The following POLD3 variants were observed in gnomAD, a reference collection of about 807,000 sequenced individuals.
POLD3 encodes DNA polymerase delta 3, accessory subunit, also known as DNA polymerase delta subunit 3.
In POLD3, 19 loss-of-function variants were observed where a neutral mutation model predicts 58.2. The observed-to-expected ratio is 0.33, with a 90% CI of 0.23 to 0.48. The LOEUF is 0.48. Ranked by LOEUF, POLD3 falls within the 20% of genes least tolerant of loss-of-function variation. The pLI is 0.99. For synonymous variants in POLD3, 172 were observed against 193.5 expected, an observed-to-expected ratio of 0.89 and a Z score of 0.92; for missense variants, 504 against 545.5, an observed-to-expected ratio of 0.92 and a Z score of 0.76.
intron 7 of POLD3, among the ~76,000 whole-genome samples, chr11:74,621,614 C>T (rs908128760): frequency 2.8e-4 from 42 of 152,090 alleles, no homozygotes; most frequent in African/African-American, 8.9e-4. Context: ...GATTGAGCAC[C>T]TGCTATGTGC....
At chr11:74,643,708 G>A (rs565241721), downstream of POLD3, among the ~76,000 whole-genome samples, 1 of 152,326 alleles carries the variant, frequency 6.6e-6, no homozygotes, top group Non-Finnish European at 1.5e-5. Flanking sequence ...GCCTTGCTAA[G>A]CAGTTTGGAT....
chr11:74,631,039 G>C (rs2032574929), intron 9 of POLD3, among the ~76,000 whole-genome samples: 2 of 152,198 alleles, frequency 1.3e-5, no homozygotes, highest in Non-Finnish European at 2.9e-5. Context: ...CTCTGGCAAA[G>C]ATAATTTTTG....
At chr11:74,629,155 C>G in intron 8 of POLD3, 62 bp from the exon 9 acceptor site, 1 of 933,462 alleles carries the variant, frequency 1.1e-6, no homozygotes, top group Non-Finnish European at 1.6e-6. Flanking sequence ...CCCATAAGAG[C>G]ATGTGAATAC....
chr11:74,644,213 G>A (rs140107320), downstream of POLD3, among the ~76,000 whole-genome samples: 153 of 152,302 alleles, frequency 1.0e-3, no homozygotes, highest in African/African-American at 3.5e-3. Context: ...AAACTAAATA[G>A]TTTCTCCAGG....
rs1433463850 is a variant in POLD3, at chr11:74,642,587, A to G, written c.*1821A>G. 23 of 985,220 alleles carry G rather than the reference A, an allele frequency of 2.3e-5. No homozygotes were observed. The highest frequency in any genetic ancestry group is 2.7e-5 in the Non-Finnish European group (22 of 829,844). 61.0% of individuals were successfully genotyped at this position (985,220 alleles called of 1,614,324 possible). A position where few individuals can be genotyped will look rare whatever the true frequency, so the allele number is the denominator to read the frequency against. ...TGCAAGGGATAATACAAATCCTATG[A>G]TCTCTATGCCCAATATGCTGCCTCA... On this transcript the variant is annotated 3_prime_UTR_variant, in exon 12 of 12. Transcript: ENST00000263681.
At chr11:74,626,646 T>C (rs921486105) in intron 8 of POLD3, among the ~76,000 whole-genome samples, 1 of 152,218 alleles carries the variant, frequency 6.6e-6, no homozygotes, top group Admixed American at 6.5e-5. Flanking sequence ...ACTAAGCATT[T>C]GTTGCCTGTG....
rs559912807 is a variant in POLD3, at chr11:74,619,071, A to T, written c.660+267A>T. 2.0e-5 allele frequency among the ~76,000 whole-genome samples: 3 copies of T among 152,260 alleles called. No homozygotes were observed. The South Asian group carries it at 6.2e-4, about 32-fold the overall frequency. On this transcript the variant is annotated intron_variant, in intron 6 of 11. Coordinates refer to ENST00000263681, the MANE Select transcript of POLD3 (RefSeq NM_006591.3). ...ACATTACAAGATTGTTGTGAAACCC[A>T]GATGAAAACATGTGAAAACACCTCG... is the stretch of plus-strand genomic sequence containing the variant.
intron 2 of POLD3, among the ~76,000 whole-genome samples, chr11:74,596,641 CTT>C (rs1483029159): frequency 6.9e-6 from 1 of 145,206 alleles, no homozygotes; most frequent in African/African-American, 2.6e-5. Context: ...TGTCTACCAT[CTT>C]TTCATTTTTC....
intron 7 of POLD3, among the ~76,000 whole-genome samples, chr11:74,623,094 A>T: frequency 6.6e-6 from 1 of 152,240 alleles, no homozygotes; most frequent in East Asian, 1.9e-4. Context: ...AAGATCATAT[A>T]TTATTTCATT....
chr11:74,594,751 A>G (rs1218968950), intron 2 of POLD3, among the ~76,000 whole-genome samples: 1 of 152,202 alleles, frequency 6.6e-6, no homozygotes, highest in Non-Finnish European at 1.5e-5. Flanking sequence ...ATGGCTGGGG[A>G]GGCCTCAGGA....
At chr11:74,618,828 C>G in intron 6 of POLD3, 24 bp downstream of exon 6, 1 of 1,590,700 alleles carries the variant, frequency 6.3e-7, no homozygotes, top group East Asian at 2.2e-5. Flanking sequence ...GAAGATACCC[C>G]TTCATTGCAG....
At chr11:74,595,124 A>G (rs2031184528) in intron 2 of POLD3, 1 of 150,636 alleles carries the variant, frequency 6.6e-6, no homozygotes, top group Non-Finnish European at 1.5e-5. Context: ...TCTGGTTAAC[A>G]CTAACACTGT....
At chr11:74,599,339 A>G (rs1307023333) in intron 2 of POLD3, among the ~76,000 whole-genome samples, 1 of 147,626 alleles carries the variant, frequency 6.8e-6, no homozygotes, top group Non-Finnish European at 1.5e-5. Context: ...GCCTCACTAT[A>G]GTATTTTCAC....
chr11:74,652,844 C>A, intron 4 of POLD3: 1 of 171,030 alleles, frequency 5.8e-6, no homozygotes. Context: ...TGTCATGGAC[C>A]CAGCTTTGGC....
chr11:74,628,211 G>A (rs1165838967), intron 8 of POLD3, among the ~76,000 whole-genome samples: 1 of 151,886 alleles, frequency 6.6e-6, no homozygotes, highest in African/African-American at 2.4e-5. Context: ...TTTCTTTACT[G>A]TTTCATTCCT....
intron 5 of POLD3, among the ~76,000 whole-genome samples, chr11:74,616,345 C>CA (rs1160941413): frequency 2.0e-5 from 3 of 152,154 alleles, no homozygotes; most frequent in African/African-American, 7.2e-5. Flanking sequence ...CTTATGATTT[C>CA]GTGTGTTTTA....
intron 6 of POLD3, 105 bp downstream of exon 6, chr11:74,618,909 T>C (rs2032165418): frequency 4.1e-6 from 4 of 964,508 alleles, no homozygotes; most frequent in South Asian, 1.8e-5. Context: ...GATTCTGATA[T>C]TCAGTTCTGA....
intron 4 of POLD3, among the ~76,000 whole-genome samples, chr11:74,668,347 A>G (rs370806702): frequency 6.6e-6 from 1 of 152,220 alleles, no homozygotes; most frequent in East Asian, 1.9e-4. Flanking sequence ...TGATGAATGG[A>G]TAAATGCAAT....
chr11:74,648,957 A>G (rs1302054126), intron 4 of POLD3, among the ~76,000 whole-genome samples: 1 of 152,126 alleles, frequency 6.6e-6, no homozygotes, highest in African/African-American at 2.4e-5. Context: ...AGGAGAGGAG[A>G]GTATTAGGAG....
Sources: gnomAD v4.1 joint callset for allele counts (sites outside exome capture counted in the v4.1 genomes callset) on GRCh38, gnomAD v4.1.1 for gene constraint, MANE v1.5 for transcripts, NCBI Gene and HGNC (gene_info 2026-07-23, HGNC 2026-07-21) for gene names.